The following WDR72 variants were observed in gnomAD, a reference collection of about 807,000 sequenced individuals.
The protein encoded by WDR72 is WD repeat domain 72, also known as WD repeat-containing protein 72.
WDR72 carries 120 observed loss-of-function variants against 124.2 expected under a neutral mutation model. The ratio of observed to expected loss-of-function variants is 0.97; its 90% CI spans 0.83 to 1.12. The LOEUF (loss-of-function observed/expected upper bound fraction) is 1.12, where lower values mean the gene tolerates loss of function less well. Among genes scored for constraint, WDR72 ranks in the 50% most tolerant of loss-of-function variants. The pLI is 0.00. For missense variants in WDR72, 1,387 were observed against 1,278.8 expected (o/e 1.08, Z -1.29); for synonymous variants, 452 against 441.7 (o/e 1.02, Z -0.29).
intron 13 of WDR72, among the ~76,000 whole-genome samples, chr15:53,680,528 A>G (rs690500): frequency 0.67 from 102,012 of 152,048 alleles, 36,524 homozygotes; most frequent in Middle Eastern, 0.89. Flanking sequence ...TACTTCCAGA[A>G]GTAAGAAAAA....
At chr15:53,616,468 C>T (rs996976758) in intron 14 of WDR72, among the ~76,000 whole-genome samples, 2 of 151,400 alleles carry the variant, frequency 1.3e-5, no homozygotes, top group Non-Finnish European at 2.9e-5. Flanking sequence ...TTTTATTTTT[C>T]CTCTAAATAA....
intron 1 of WDR72, among the ~76,000 whole-genome samples, chr15:53,748,905 A>C (rs187515796): frequency 6.6e-6 from 1 of 152,256 alleles, no homozygotes; most frequent in East Asian, 1.9e-4. Flanking sequence ...AAAAATATTT[A>C]TTATCTGCTA....
chr15:53,624,253 G>A lies in WDR72; in HGVS notation c.1963-8010C>T, dbSNP rs116281635. 9.4e-3 allele frequency among the ~76,000 whole-genome samples: 1,433 copies of A among 152,286 alleles called. 31 individuals are homozygous for A. The highest frequency in any genetic ancestry group is 0.033 in the African/African-American group (1,379 of 41,564). ...GATGAGGGCCAGGTTACATAGATCC[G>A]TATAAACTCTACTGACTACTAAATG... On this transcript the variant is annotated intron_variant, in intron 14 of 19. Transcript: ENST00000360509.
chr15:53,624,264 A>G (rs1379112883), intron 14 of WDR72, among the ~76,000 whole-genome samples: 1 of 152,238 alleles, frequency 6.6e-6, no homozygotes, highest in Non-Finnish European at 1.5e-5. Context: ...TATAAACTCT[A>G]CTGACTACTA....
chr15:53,642,947 T>C (rs2014907904), intron 14 of WDR72, among the ~76,000 whole-genome samples: 1 of 152,048 alleles, frequency 6.6e-6, no homozygotes, highest in Admixed American at 6.6e-5. Context: ...TTAAAATACA[T>C]ATTTCCATTA....
intron 18 of WDR72, among the ~76,000 whole-genome samples, chr15:53,570,930 C>T (rs186984026): frequency 2.6e-5 from 4 of 152,098 alleles, no homozygotes; most frequent in African/African-American, 7.2e-5. Flanking sequence ...TCCTTTGCAG[C>T]GACATGGATG....
chr15:53,535,414 A>G (rs937562788), intron 18 of WDR72, among the ~76,000 whole-genome samples: 1 of 152,182 alleles, frequency 6.6e-6, no homozygotes, highest in African/African-American at 2.4e-5. Context: ...ACTTCTCTTC[A>G]TGAGTTTAAG....
chr15:53,699,851 T>C lies in WDR72; in HGVS notation c.1664A>G (p.Lys555Arg), dbSNP rs1357158578. The C allele has an allele frequency of 6.2e-7, 1 of 1,614,008 alleles. No homozygotes were observed. Among genetic ancestry groups the C allele is most frequent in the Non-Finnish European group, 8.5e-7 (1 of 1,180,022 alleles). The change falls in exon 13 of 20, where the codon AAG (lysine) becomes AGG (arginine). Residue 555 changes from lysine (K) to arginine (R), a missense_variant. By Grantham distance (26) the Lys-to-Arg change is conservative (BLOSUM62 2). Transcript: ENST00000360509. ...EGKSCLLHARKHLFPVRMIKW... is the reference protein window; with the variant it reads ...EGKSCLLHARRHLFPVRMIKW... ...TATCATCCTCACAGGAAAAAGGTGCTTCCGGGCATGCAGGAGGCAACTCTT... is the reference window on the plus strand; with the variant it reads ...TATCATCCTCACAGGAAAAAGGTGCCTCCGGGCATGCAGGAGGCAACTCTT...
At chr15:53,561,546 C>T (rs1012235643) in intron 18 of WDR72, among the ~76,000 whole-genome samples, 2 of 151,716 alleles carry the variant, frequency 1.3e-5, no homozygotes, top group African/African-American at 4.8e-5. Context: ...CCTAGAAACT[C>T]ATATATTTCC....
chr15:53,665,817 A>G, intron 13 of WDR72, 49 bp from the exon 14 acceptor site: 2 of 1,530,154 alleles, frequency 1.3e-6, no homozygotes, highest in Non-Finnish European at 1.8e-6. Context: ...ATTTACCCCA[A>G]CAGAATAAGA....
At chr15:53,540,749 G>C (rs942258314) in intron 18 of WDR72, 3 of 155,778 alleles carry the variant, frequency 1.9e-5, no homozygotes, top group Non-Finnish European at 2.8e-5. Context: ...CATCTCACTA[G>C]GGAGTGCCAG....
chr15:53,531,256 T>G (rs568336461), intron 18 of WDR72, among the ~76,000 whole-genome samples: 1 of 152,166 alleles, frequency 6.6e-6, no homozygotes, highest in Non-Finnish European at 1.5e-5. Flanking sequence ...ACGAAAGACA[T>G]GCTTGGATGC....
intron 13 of WDR72, among the ~76,000 whole-genome samples, chr15:53,694,920 CTGT>C (rs1398378546): frequency 2.0e-5 from 3 of 152,114 alleles, no homozygotes; most frequent in African/African-American, 7.2e-5. Context: ...GGCCTGCTGC[CTGT>C]TGTTGTAAGT....
At chr15:53,706,427 T>C (rs2017381543) in intron 9 of WDR72, among the ~76,000 whole-genome samples, 1 of 141,856 alleles carries the variant, frequency 7.0e-6, no homozygotes, top group Non-Finnish European at 1.5e-5. Context: ...CAAGGGGCTT[T>C]CTACATATTC....
Position 53,685,296 on chromosome 15 carries a change from G to A in WDR72, c.1765+14454C>T, listed in dbSNP as rs1308658302. Among the ~76,000 whole-genome samples the A allele has an allele frequency of 4.3e-5, 6 of 138,186 alleles. No individual in the cohort carries two copies. In the South Asian group the frequency reaches 1.5e-3, roughly 34 times the overall value. 90.7% of individuals were successfully genotyped at this position (138,186 alleles called of 152,430 possible). On this transcript the variant is annotated intron_variant, in intron 13 of 19. Coordinates refer to ENST00000360509, the MANE Select transcript of WDR72 (RefSeq NM_182758.4). ...GGAGGACATTCAAACCAAAGGCAAA[G>A]AAGTTGAAAACTTTGAAAAAAATTT...
chr15:53,680,882 C>T (rs1340025118), intron 13 of WDR72, among the ~76,000 whole-genome samples: 3 of 152,134 alleles, frequency 2.0e-5, no homozygotes, highest in Non-Finnish European at 4.4e-5. Flanking sequence ...AAGTGGTGGG[C>T]CAATCTATTG....
At chr15:53,664,789 T>G (rs1458424803) in intron 14 of WDR72, among the ~76,000 whole-genome samples, 2 of 152,000 alleles carry the variant, frequency 1.3e-5, no homozygotes, top group African/African-American at 2.4e-5. Flanking sequence ...AGAGAAACAA[T>G]TTATACCAGC....
At chr15:53,521,874 T>C (rs189550053) in intron 19 of WDR72, among the ~76,000 whole-genome samples, 99 of 152,202 alleles carry the variant, frequency 6.5e-4, no homozygotes, top group African/African-American at 2.4e-3. Flanking sequence ...ATTTTTATTA[T>C]AGAAATTTAA....
chr15:53,685,068 C>G (rs1193702102), intron 13 of WDR72, among the ~76,000 whole-genome samples: 5 of 151,930 alleles, frequency 3.3e-5, no homozygotes, highest in Non-Finnish European at 7.4e-5. Context: ...TGTACATCAC[C>G]ATCATCAAAG....
Sources: allele counts gnomAD v4.1 joint callset (sites outside exome capture counted in the v4.1 genomes callset), GRCh38; gene constraint gnomAD v4.1.1; transcripts MANE v1.5; gene names NCBI Gene and HGNC (gene_info 2026-07-23, HGNC 2026-07-21).